STPG2: variants seen among roughly 807,000 people sequenced by gnomAD.
STPG2 encodes sperm tail PG-rich repeat containing 2, also known as sperm-tail PG-rich repeat-containing protein 2.
Under a neutral mutation model 54.2 loss-of-function variants are expected in STPG2, and 56 were observed. The observed-to-expected ratio is 1.03, with a 90% confidence interval of 0.83 to 1.29. The LOEUF (loss-of-function observed/expected upper bound fraction) is 1.29, where lower values mean the gene tolerates loss of function less well. STPG2 is among the 50% of genes most tolerant of loss of function. The pLI is 0.00. For missense variants in STPG2, 596 were observed against 544.9 expected (o/e 1.09, Z -0.93); for synonymous variants, 200 against 181.8 (o/e 1.10, Z -0.81).
chr4:97,792,316 T>C (rs999769453), intron 9 of STPG2, among the ~76,000 whole-genome samples: 8 of 152,172 alleles, frequency 5.3e-5, no homozygotes, highest in Non-Finnish European at 8.8e-5. Flanking sequence ...TCTCAGATAA[T>C]GGCAAATCTC....
chr4:97,572,758 T>C (rs576023273), intron 10 of STPG2: 2 of 152,240 alleles, frequency 1.3e-5, no homozygotes, highest in African/African-American at 4.8e-5. Flanking sequence ...CACTGAACAC[T>C]AAAACAGAAT....
At chr4:97,481,291 A>C (rs1217108181) in intron 4 of STPG2, among the ~76,000 whole-genome samples, 1 of 151,574 alleles carries the variant, frequency 6.6e-6, no homozygotes, top group Non-Finnish European at 1.5e-5. Flanking sequence ...ATTATAGAGT[A>C]TATTCTTGAA....
intron 4 of STPG2, among the ~76,000 whole-genome samples, chr4:97,519,924 T>C (rs1219612537): frequency 6.6e-6 from 1 of 152,106 alleles, no homozygotes; most frequent in East Asian, 1.9e-4. Flanking sequence ...CCATTTCAAT[T>C]CCCAGTTTTA....
intron 5 of STPG2, among the ~76,000 whole-genome samples, chr4:98,021,895 C>T (rs200352696): frequency 0.39 from 59,268 of 150,908 alleles, 11,870 homozygotes; most frequent in Middle Eastern, 0.46. Context: ...TCCCTTTATT[C>T]TGAGCCTATG....
At chr4:97,540,850 A>T (rs1386752573) in intron 4 of STPG2, among the ~76,000 whole-genome samples, 2 of 151,998 alleles carry the variant, frequency 1.3e-5, no homozygotes, top group Non-Finnish European at 2.9e-5. Flanking sequence ...AGCATATAAA[A>T]AGAACCAAAG....
intron 3 of STPG2, among the ~76,000 whole-genome samples, chr4:98,119,449 A>G (rs538893600): frequency 6.6e-6 from 1 of 152,278 alleles, no homozygotes; most frequent in South Asian, 2.1e-4. Flanking sequence ...CTAAAGAGAC[A>G]TGCAACTAAA....
chr4:98,100,407 C>T (rs1738991352), intron 5 of STPG2, among the ~76,000 whole-genome samples: 1 of 151,992 alleles, frequency 6.6e-6, no homozygotes, highest in African/African-American at 2.4e-5. Flanking sequence ...GACAAAAACA[C>T]CATTAAGCAT....
At chr4:97,777,878 A>G (rs1198042199) in intron 9 of STPG2, among the ~76,000 whole-genome samples, 1 of 152,164 alleles carries the variant, frequency 6.6e-6, no homozygotes, top group East Asian at 1.9e-4. Flanking sequence ...TCAAACTGAG[A>G]TATCAAATTA....
intron 10 of STPG2, among the ~76,000 whole-genome samples, chr4:97,615,657 C>T (rs767343669): frequency 1.6e-4 from 25 of 151,806 alleles, no homozygotes; most frequent in Non-Finnish European, 2.9e-4. Context: ...ATATTTTTAC[C>T]GATATATCAA....
chr4:97,455,407 C>T, intron 4 of STPG2, among the ~76,000 whole-genome samples: 1 of 151,938 alleles, frequency 6.6e-6, no homozygotes, highest in East Asian at 1.9e-4. Context: ...TGGGAGGAGA[C>T]ACAAGCGGCT....
chr4:97,707,706 A>C (rs1419228922), intron 10 of STPG2, among the ~76,000 whole-genome samples: 1 of 152,126 alleles, frequency 6.6e-6, no homozygotes, highest in Non-Finnish European at 1.5e-5. Context: ...TGAATAATAA[A>C]GATGATAGTC....
intron 8 of STPG2, among the ~76,000 whole-genome samples, chr4:97,892,828 T>G (rs1448899941): frequency 2.6e-5 from 4 of 152,106 alleles, no homozygotes; most frequent in African/African-American, 9.7e-5. Flanking sequence ...GTCACCTGCT[T>G]TGCATAGCCC....
At chr4:97,797,832 T>G (rs1727251298) in intron 9 of STPG2, among the ~76,000 whole-genome samples, 1 of 152,194 alleles carries the variant, frequency 6.6e-6, no homozygotes, top group African/African-American at 2.4e-5. Context: ...TTTTTTTGGT[T>G]GGTAGGCTAT....
intron 9 of STPG2, among the ~76,000 whole-genome samples, chr4:97,726,469 A>C (rs1724628438): frequency 6.6e-6 from 1 of 151,958 alleles, no homozygotes; most frequent in Non-Finnish European, 1.5e-5. Context: ...CAGTTTTTAA[A>C]AAGATAAAAT....
intron 10 of STPG2, among the ~76,000 whole-genome samples, chr4:97,606,341 C>T (rs929468469): frequency 6.6e-6 from 1 of 151,806 alleles, no homozygotes; most frequent in Non-Finnish European, 1.5e-5. Context: ...ATGACTATAA[C>T]CATGAGACTT....
chr4:98,011,914 T>C (rs940076262), intron 5 of STPG2, among the ~76,000 whole-genome samples: 2 of 152,224 alleles, frequency 1.3e-5, no homozygotes, highest in Admixed American at 1.3e-4. Flanking sequence ...AGGTCGCCTG[T>C]TCACTCTGAT....
intron 10 of STPG2, among the ~76,000 whole-genome samples, chr4:97,625,461 C>T (rs554442009): frequency 6.6e-6 from 1 of 152,090 alleles, no homozygotes; most frequent in African/African-American, 2.4e-5. Flanking sequence ...AGGTGTGCAC[C>T]ACCACACCCA....
chr4:98,001,327 ACTAT>A (rs1735409530), intron 5 of STPG2, among the ~76,000 whole-genome samples: 1 of 151,216 alleles, frequency 6.6e-6, no homozygotes, highest in African/African-American at 2.4e-5. Flanking sequence ...TATGTGGTAC[ACTAT>A]CTAGTAGCAG....
chr4:97,995,903 G>A (rs143454252), intron 5 of STPG2, among the ~76,000 whole-genome samples: 1 of 152,034 alleles, frequency 6.6e-6, no homozygotes, highest in Non-Finnish European at 1.5e-5. Context: ...TCTCTACAAT[G>A]AGAACTACAA....
Sources: allele counts gnomAD v4.1 joint callset (sites outside exome capture counted in the v4.1 genomes callset), GRCh38; gene constraint gnomAD v4.1.1; transcripts MANE v1.5; gene names NCBI Gene and HGNC (gene_info 2026-07-23, HGNC 2026-07-21).